Variants in SAMD4A observed in about 807,000 individuals in gnomAD.
SAMD4A encodes the protein sterile alpha motif domain containing 4A.
SAMD4A carries 33 observed loss-of-function variants against 81.3 expected under a neutral mutation model. The ratio of observed to expected loss-of-function variants is 0.41; its 90% CI spans 0.31 to 0.54. SAMD4A has a LOEUF of 0.54. SAMD4A is among the 20% of genes least tolerant of loss of function. The probability of loss-of-function intolerance (pLI) is 0.37; values close to 1 mark genes in which losing one functional copy is unlikely to be tolerated. For synonymous variants in SAMD4A, 389 were observed against 382.1 expected (o/e 1.02, Z -0.21); for missense variants, 854 against 951.1 (o/e 0.90, Z 1.34).
intron 2 of SAMD4A, among the ~76,000 whole-genome samples, chr14:54,699,347 G>A (rs748869293): frequency 6.6e-6 from 1 of 152,152 alleles, no homozygotes; most frequent in Non-Finnish European, 1.5e-5. Context: ...GTGTCAGGTG[G>A]CAATTAGCTA....
At chr14:54,758,088 C>T (rs1210949983) in intron 6 of SAMD4A, among the ~76,000 whole-genome samples, 3 of 149,964 alleles carry the variant, frequency 2.0e-5, no homozygotes, top group African/African-American at 4.9e-5. Context: ...AGGTGGCAGA[C>T]GCGAAACTCT....
intron 6 of SAMD4A, among the ~76,000 whole-genome samples, 200 bp downstream of exon 6, chr14:54,751,737 C>T (rs1290238990): frequency 6.6e-6 from 1 of 152,214 alleles, no homozygotes; most frequent in African/African-American, 2.4e-5. Context: ...CCTCAGTGTG[C>T]TTATTCCCTG....
chr14:54,681,637 A>G, intron 2 of SAMD4A: 1 of 194,920 alleles, frequency 5.1e-6, no homozygotes, highest in East Asian at 1.9e-4. Context: ...TCCCTATGTT[A>G]CCCAGGCTGG....
intron 2 of SAMD4A, among the ~76,000 whole-genome samples, chr14:54,653,115 TC>T (rs1417820300): frequency 6.6e-6 from 1 of 151,836 alleles, no homozygotes; most frequent in African/African-American, 2.4e-5. Context: ...CTCTCCTGTT[TC>T]CTTCTTTCCC....
intron 2 of SAMD4A, among the ~76,000 whole-genome samples, chr14:54,650,407 A>G (rs1056772948): frequency 6.6e-6 from 1 of 152,184 alleles, no homozygotes; most frequent in Non-Finnish European, 1.5e-5. Flanking sequence ...ATTTGTTGGA[A>G]TGGCCCATTG....
At chr14:54,690,377 T>A (rs1566586924) in intron 2 of SAMD4A, among the ~76,000 whole-genome samples, 1 of 152,094 alleles carries the variant, frequency 6.6e-6, no homozygotes, top group Non-Finnish European at 1.5e-5. Context: ...CTTTTGAGAT[T>A]CAAACAGCCA....
intron 2 of SAMD4A, among the ~76,000 whole-genome samples, chr14:54,643,612 G>A (rs921752832): frequency 6.6e-6 from 1 of 152,182 alleles, no homozygotes; most frequent in African/African-American, 2.4e-5. Flanking sequence ...CCTTTCAGCC[G>A]GTAGGCAAGA....
chr14:54,710,054 C>A (rs548992407), intron 3 of SAMD4A, among the ~76,000 whole-genome samples: 1 of 152,232 alleles, frequency 6.6e-6, no homozygotes, highest in African/African-American at 2.4e-5. Context: ...CAACACTTGA[C>A]TTTTCTTTGC....
At chr14:54,725,074 C>A (rs1466207082) in intron 3 of SAMD4A, among the ~76,000 whole-genome samples, 3 of 152,188 alleles carry the variant, frequency 2.0e-5, no homozygotes, top group African/African-American at 4.8e-5. Flanking sequence ...CCACAAATAT[C>A]CGATGAATGA....
chr14:54,778,450 G>A (rs1012238127), intron 11 of SAMD4A, among the ~76,000 whole-genome samples: 6 of 152,050 alleles, frequency 3.9e-5, no homozygotes, highest in African/African-American at 1.2e-4. Context: ...TGTTCCTGTG[G>A]TTAAAGAATC....
At chr14:54,597,275 C>G (rs2033935132) in intron 2 of SAMD4A, among the ~76,000 whole-genome samples, 1 of 151,514 alleles carries the variant, frequency 6.6e-6, no homozygotes, top group Non-Finnish European at 1.5e-5. Flanking sequence ...TTTTTCTTTT[C>G]TTTTTTCTTT....
intron 10 of SAMD4A, 120 bp from the exon 11 acceptor site, chr14:54,776,294 C>A: frequency 9.6e-7 from 1 of 1,045,066 alleles, no homozygotes. Flanking sequence ...GGCCTGCAAG[C>A]CCCTTTTCTA....
At chr14:54,762,810 A>C (rs930602526) in intron 7 of SAMD4A, among the ~76,000 whole-genome samples, 5 of 151,902 alleles carry the variant, frequency 3.3e-5, no homozygotes, top group Admixed American at 2.0e-4. Flanking sequence ...AAGTTTTGGG[A>C]TATCCTTTCA....
At chr14:54,752,766 T>C (rs2038140784) in intron 6 of SAMD4A, among the ~76,000 whole-genome samples, 1 of 152,222 alleles carries the variant, frequency 6.6e-6, no homozygotes, top group Non-Finnish European at 1.5e-5. Flanking sequence ...CACCGGTCTC[T>C]GAGTTCCCTG....
At chr14:54,592,939 C>A (rs981120529) in intron 2 of SAMD4A, among the ~76,000 whole-genome samples, 3 of 152,080 alleles carry the variant, frequency 2.0e-5, no homozygotes, top group African/African-American at 4.8e-5. Context: ...TTGTATTTTG[C>A]TTTTCCTTCA....
intron 3 of SAMD4A, among the ~76,000 whole-genome samples, chr14:54,705,943 C>T (rs1220538882): frequency 6.6e-6 from 1 of 152,150 alleles, no homozygotes; most frequent in Non-Finnish European, 1.5e-5. Context: ...TAAAATAATA[C>T]TCTAAGAGCT....
intron 3 of SAMD4A, among the ~76,000 whole-genome samples, chr14:54,730,706 C>T (rs2037540573): frequency 6.6e-6 from 1 of 152,150 alleles, no homozygotes; most frequent in Non-Finnish European, 1.5e-5. Context: ...TTAATATTCC[C>T]CTCTCTTCCT....
intron 2 of SAMD4A, among the ~76,000 whole-genome samples, chr14:54,574,140 G>C (rs2033215533): frequency 6.6e-6 from 1 of 152,146 alleles, no homozygotes; most frequent in African/African-American, 2.4e-5. Flanking sequence ...GAGAGCCCAG[G>C]GCCCTGTCAA....
At chr14:54,718,131 C>T (rs1344262410) in intron 3 of SAMD4A, among the ~76,000 whole-genome samples, 1 of 152,146 alleles carries the variant, frequency 6.6e-6, no homozygotes, top group Non-Finnish European at 1.5e-5. Context: ...CAGAGAAAAG[C>T]TCTTTAAGCA....
Sources: gnomAD v4.1 joint callset for allele counts (sites outside exome capture counted in the v4.1 genomes callset) on GRCh38, gnomAD v4.1.1 for gene constraint, MANE v1.5 for transcripts, NCBI Gene and HGNC (gene_info 2026-07-23, HGNC 2026-07-21) for gene names.